The following ASB14 variants were observed in gnomAD, a reference collection of about 807,000 sequenced individuals.
ASB14 encodes the protein ankyrin repeat and SOCS box containing 14, also known as ankyrin repeat and SOCS box protein 14.
A neutral mutation model predicts 55.6 loss-of-function variants in ASB14; 63 were observed. The observed-to-expected ratio is 1.13, with a 90% CI of 0.92 to 1.40. The LOEUF is 1.40. ASB14 is among the 40% of genes most tolerant of loss of function. The probability of loss-of-function intolerance (pLI) is 0.00; values close to 1 mark genes in which losing one functional copy is unlikely to be tolerated. For synonymous variants in ASB14, 256 were observed against 259.9 expected (o/e 0.98, Z 0.15); for missense variants, 724 against 710.4 (o/e 1.02, Z -0.22).
At chr3:57,273,270 A>G (rs1288973637) in intron 10 of ASB14, 1 of 152,648 alleles carries the variant, frequency 6.6e-6, no homozygotes, top group Non-Finnish European at 1.5e-5. Flanking sequence ...ATTCAAAATC[A>G]TGCAATGTTT....
At chr3:57,276,242 G>T (rs1488490284) in intron 10 of ASB14, among the ~76,000 whole-genome samples, 1 of 150,704 alleles carries the variant, frequency 6.6e-6, no homozygotes, top group Non-Finnish European at 1.5e-5. Flanking sequence ...GAGAATGCTA[G>T]TCATTTATAT....
At chr3:57,271,756 T>G (rs1179846238) in intron 10 of ASB14, 1 of 152,216 alleles carries the variant, frequency 6.6e-6, no homozygotes, top group Non-Finnish European at 1.5e-5. Flanking sequence ...AGACCTGTAG[T>G]TCGTTTTAAG....
intron 5 of ASB14, among the ~76,000 whole-genome samples, chr3:57,284,438 T>C (rs2061064759): frequency 6.6e-6 from 1 of 152,216 alleles, no homozygotes; most frequent in Non-Finnish European, 1.5e-5. Context: ...CAGCACTATA[T>C]ATTCTATCAC....
chr3:57,278,194 T>TA (rs1199322882), intron 8 of ASB14, among the ~76,000 whole-genome samples, 183 bp downstream of exon 8: 1 of 152,220 alleles, frequency 6.6e-6, no homozygotes, highest in Non-Finnish European at 1.5e-5. Flanking sequence ...TGTACTGTTT[T>TA]TGTTCCTGTT....
At chr3:57,280,188 TA>T in intron 7 of ASB14, 113 bp downstream of exon 7, 2 of 362,160 alleles carry the variant, frequency 5.5e-6, no homozygotes, top group Non-Finnish European at 8.3e-6. Context: ...AAAAAAAAAG[TA>T]TGTTTAGATT....
intron 10 of ASB14, among the ~76,000 whole-genome samples, chr3:57,274,740 TAACG>T (rs1183724951): frequency 6.6e-6 from 1 of 152,096 alleles, no homozygotes; most frequent in African/African-American, 2.4e-5. Context: ...AATAAAAATT[TAACG>T]TAACTGCCAT....
At chr3:57,284,088 C>CTGTATGTGTGTGTGTGTG (rs1553640078) in intron 5 of ASB14, among the ~76,000 whole-genome samples, 3 of 41,396 alleles carry the variant, frequency 7.2e-5, no homozygotes, top group East Asian at 2.1e-3. Context: ...CTTGGGAACA[C>CTGTATGTGTGTGTGTGTG]TGTGTATGTG....
chr3:57,279,258 G>GTTTT (rs2061016409), intron 7 of ASB14, among the ~76,000 whole-genome samples: 5 of 109,042 alleles, frequency 4.6e-5, no homozygotes, highest in South Asian at 3.4e-4. Flanking sequence ...TTGGTCAAGA[G>GTTTT]TTTTTCTTTT....
intron 6 of ASB14, among the ~76,000 whole-genome samples, chr3:57,280,953 A>T (rs1046503262): frequency 6.6e-6 from 1 of 152,178 alleles, no homozygotes; most frequent in Non-Finnish European, 1.5e-5. Flanking sequence ...ACTGTTTTTA[A>T]TTGAGGTTAG....
chr3:57,271,333 TTA>T (rs2060938096), intron 10 of ASB14: 1 of 152,738 alleles, frequency 6.5e-6, no homozygotes, highest in African/African-American at 2.4e-5. Flanking sequence ...TACTGATGCT[TTA>T]TGTTACCAAA....
In ASB14 at chr3:57,278,709, T is replaced by C; in HGVS notation, c.1099A>G (p.Ser367Gly). The change falls in exon 8 of 11, where the codon AGT becomes GGT. Residue 367 changes from serine (S) to glycine (G), a missense_variant. By Grantham distance (56) the Ser-to-Gly change is moderately conservative (BLOSUM62 0). Coordinates refer to ENST00000487349, the MANE Select transcript of ASB14 (RefSeq NM_001142733.3). ...AGCAGCTTGACTGAAGAGAGGTCAC[T>C]GTTTGATACAGCAAAATACAAAGCT... ...KSALYFAVSN[S>G]DLSSVKLLLS... 1 of 1,614,120 alleles carries C rather than the reference T, an allele frequency of 6.2e-7. No homozygotes were observed.
rs143068856 is a variant in ASB14 at position 57,276,623 on chromosome 3, T to C, written c.1691A>G (p.Asn564Ser). The C allele has an allele frequency of 4.8e-5, 78 of 1,613,774 alleles. No individual in the cohort carries two copies. In the East Asian group the frequency reaches 1.2e-3, roughly 25 times the overall value. ...PVFMSFLPLPNRLKAYVLYKE... is the reference protein window; with the variant it reads ...PVFMSFLPLPSRLKAYVLYKE... ...GTAAAGGACATATGCTTTTAGACGA[T>C]TGGGTAATGGAAGAAATGACATGAA... Residue 564 changes from asparagine (N) to serine (S), a missense_variant, in exon 10 of 11, where the codon AAT becomes AGT. By Grantham distance (46) the Asn-to-Ser change is conservative (BLOSUM62 1). Coordinates refer to ENST00000487349, the MANE Select transcript of ASB14 (RefSeq NM_001142733.3).
chr3:57,275,081 C>T (rs1385428338), intron 10 of ASB14, among the ~76,000 whole-genome samples: 1 of 152,190 alleles, frequency 6.6e-6, no homozygotes, highest in African/African-American at 2.4e-5. Context: ...TATATTCAGT[C>T]CAATCACTGA....
rs765047654 is a variant in ASB14, at chr3:57,276,557, G to A, written c.1757C>T (p.Thr586Ile). 2.5e-6 allele frequency: 4 copies of A among 1,606,522 alleles called. No homozygotes were observed. Among genetic ancestry groups the A allele is most frequent in the Non-Finnish European group, 3.4e-6 (4 of 1,175,804 alleles). ...DLYGQGIFTG[T>I]W ...TCCATTAGAATGGTTTGATTACCAG[G>A]TTCCTGTAAAAATTCCTTGTCCATA... Residue 586 changes from threonine (T) to isoleucine (I), a missense_variant, in exon 10 of 11, where the codon ACC becomes ATC. Coordinates refer to ENST00000487349, the MANE Select transcript of ASB14 (RefSeq NM_001142733.3).
At chr3:57,282,921 G>T (rs928320059) in intron 6 of ASB14, among the ~76,000 whole-genome samples, 1 of 152,022 alleles carries the variant, frequency 6.6e-6, no homozygotes, top group Admixed American at 6.6e-5. Flanking sequence ...ACCACAAAAA[G>T]GTTAAAAAAC....
intron 10 of ASB14, chr3:57,269,934 G>C (rs922266088): frequency 6.8e-6 from 2 of 295,494 alleles, no homozygotes; most frequent in African/African-American, 4.3e-5. Flanking sequence ...CCCTGAAGCA[G>C]ACTGCTGAGG....
chr3:57,268,436 A>G lies in ASB14; in HGVS notation c.*1205T>C, dbSNP rs2060910132. 6.2e-7 allele frequency: 1 copy of G among 1,603,160 alleles called. No homozygotes were observed. The highest frequency in any genetic ancestry group is 8.5e-7 in the Non-Finnish European group (1 of 1,173,812). On this transcript the variant is annotated 3_prime_UTR_variant, in exon 11 of 11. Coordinates refer to ENST00000487349, the MANE Select transcript of ASB14 (RefSeq NM_001142733.3). ...CAGAAAAACAAAAAGAAATAGAGAG[A>G]GTAAAAGAGAAGCAACAGAAAGAAC... is the stretch of plus-strand genomic sequence containing the variant.
chr3:57,284,124 G>GTGTGTGTGTGTA (rs1166961588), intron 5 of ASB14, among the ~76,000 whole-genome samples: 1 of 147,126 alleles, frequency 6.8e-6, no homozygotes, highest in East Asian at 1.9e-4. Flanking sequence ...GTGTGTGTGT[G>GTGTGTGTGTGTA]TATGTATGTA....
At chr3:57,277,206 G>T (rs1363168990) in intron 9 of ASB14, among the ~76,000 whole-genome samples, 1 of 150,186 alleles carries the variant, frequency 6.7e-6, no homozygotes, top group Non-Finnish European at 1.5e-5. Flanking sequence ...GGCAGAGGTT[G>T]CAGTGAGCTG....
Sources: allele counts gnomAD v4.1 joint callset (sites outside exome capture counted in the v4.1 genomes callset), GRCh38; gene constraint gnomAD v4.1.1; transcripts MANE v1.5; gene names NCBI Gene and HGNC (gene_info 2026-07-23, HGNC 2026-07-21).